FSCN1: variants seen among roughly 807,000 people sequenced by gnomAD.
FSCN1 encodes fascin actin-bundling protein 1.
Under a neutral mutation model 39.7 loss-of-function variants are expected in FSCN1, and 10 were observed. The observed-to-expected ratio is 0.25, with a 90% CI of 0.16 to 0.43. The LOEUF (loss-of-function observed/expected upper bound fraction) is 0.43. Among genes scored for constraint, FSCN1 ranks in the 20% least tolerant of loss-of-function variants. FSCN1 has a pLI of 1.00. For missense variants in FSCN1, 525 were observed against 723.8 expected (o/e 0.73, Z 3.15); for synonymous variants, 322 against 320.0 (o/e 1.01, Z -0.07).
chr7:5,605,558 C>T lies in FSCN1; in HGVS notation c.*84C>T, dbSNP rs1785918984. The T allele has an allele frequency of 2.8e-6, 3 of 1,068,728 alleles. No individual in the cohort carries two copies. The highest frequency in any genetic ancestry group is 2.7e-6 in the Non-Finnish European group (2 of 751,642). The allele number at this position is 1,068,728 out of a possible 1,614,324, so 66.2% of individuals were successfully genotyped here. On this transcript the variant is annotated 3_prime_UTR_variant, in exon 5 of 5. Coordinates refer to ENST00000382361, the MANE Select transcript of FSCN1 (RefSeq NM_003088.4). The surrounding 1 kb of genome is among the most constrained non-coding windows in gnomAD (Gnocchi z 6.9). ...TAACCCCTTCTCCGCCAGGTGGGCT[C>T]CAGGGCGGGAGGCAAGCCCCCTTGC...
At chr7:5,598,288 T>C (rs573137510) in intron 1 of FSCN1, among the ~76,000 whole-genome samples, 1 of 152,230 alleles carries the variant, frequency 6.6e-6, no homozygotes, top group Non-Finnish European at 1.5e-5. Flanking sequence ...GTTCCAGGAT[T>C]GAACGCAACA....
Position 5,603,409 on chromosome 7 carries a change from A to C in FSCN1, c.985A>C (p.Ser329Arg). Reference sequence around the variant, plus strand: ...CGGGGGCGTGCAGTCCACCGCCTCCAGCAAGTGAGTGCCTCGCTCCCACCT... The same window carrying C: ...CGGGGGCGTGCAGTCCACCGCCTCCCGCAAGTGAGTGCCTCGCTCCCACCT... ...ATGGVQSTAS[S>R]KNASCYFDIE... is the part of the protein sequence containing the mutation. Residue 329 changes from serine (S) to arginine (R), a missense_variant, in exon 2 of 5, where the codon AGC (serine) becomes CGC (arginine). Coordinates refer to ENST00000382361, the MANE Select transcript of FSCN1 (RefSeq NM_003088.4). This position sits in a 1 kb window ranked among gnomAD's most constrained non-coding sequence, Gnocchi z 8.5. The C allele has an allele frequency of 1.2e-6, 2 of 1,613,760 alleles. No individual in the cohort carries two copies. The highest frequency in any genetic ancestry group is 1.7e-6 in the Non-Finnish European group (2 of 1,179,996).
At position 5,603,717 on chromosome 7, in the gene FSCN1, C is replaced by T; in HGVS notation, c.1111+100C>T. The T allele has an allele frequency of 6.4e-7, 1 of 1,553,882 alleles. No individual in the cohort carries two copies. The highest frequency in any genetic ancestry group is 8.8e-7 in the Non-Finnish European group (1 of 1,134,302). On this transcript the variant is annotated intron_variant, in intron 3 of 4. Transcript: ENST00000382361. This position sits in a 1 kb window ranked among gnomAD's most constrained non-coding sequence, Gnocchi z 8.5. ...AGCCCCAGCCAAGGCCTGCTCTGTG[C>T]TGGGCATCCCCCCGGACTGGCCCCG...
Position 5,593,769 on chromosome 7 carries a change from G to T in FSCN1, c.832+1G>T. 1 of 1,556,316 alleles carries T rather than the reference G, an allele frequency of 6.4e-7. No individual in the cohort carries two copies. The highest frequency in any genetic ancestry group is 8.7e-7 in the Non-Finnish European group (1 of 1,153,302). On this transcript the variant is annotated splice_donor_variant, in intron 1 of 4. Transcript: ENST00000382361. LOFTEE classifies it high-confidence loss of function. ...GAGAGGAACGTGTCCACGCGCCAGG[G>T]TGAGTGGGGACGCTGCCCCCGCCTC...
chr7:5,604,332 A>T (rs919360861), intron 4 of FSCN1, among the ~76,000 whole-genome samples: 3 of 143,646 alleles, frequency 2.1e-5, no homozygotes, highest in African/African-American at 7.8e-5. Flanking sequence ...GGGAGGGGAG[A>T]GCCGGGAAGG....
At chr7:5,597,438 G>C (rs1235098893) in intron 1 of FSCN1, among the ~76,000 whole-genome samples, 1 of 151,782 alleles carries the variant, frequency 6.6e-6, no homozygotes. Context: ...GTCCAAGGTG[G>C]GTGGATCACC....
At position 5,593,701 on chromosome 7, in the gene FSCN1, T is replaced by C; in HGVS notation, c.765T>C (p.Ala255=). The C allele has an allele frequency of 3.1e-6, 5 of 1,593,476 alleles. No individual in the cohort carries two copies. The highest frequency in any genetic ancestry group is 1.7e-4 in the Middle Eastern group (1 of 6,044). The part of the protein sequence containing the change: ...ATKVGKDELF[A]LEQSCAQVVL... ...AGGTGGGCAAGGACGAGCTCTTTGCTCTGGAGCAGAGCTGCGCCCAGGTCG... is the reference window on the plus strand; with the variant it reads ...AGGTGGGCAAGGACGAGCTCTTTGCCCTGGAGCAGAGCTGCGCCCAGGTCG... Residue 255 remains alanine, a synonymous_variant, in exon 1 of 5, where the codon GCT becomes GCC. Coordinates refer to ENST00000382361, the MANE Select transcript of FSCN1 (RefSeq NM_003088.4).
At chr7:5,602,040 G>A (rs1351726554) in intron 1 of FSCN1, among the ~76,000 whole-genome samples, 1 of 151,574 alleles carries the variant, frequency 6.6e-6, no homozygotes. Flanking sequence ...CGCCTCCCAG[G>A]TTGAAGTGAT....
chr7:5,592,830 A>G lies in FSCN1; in HGVS notation c.-107A>G, dbSNP rs1461841143. The G allele has an allele frequency of 3.1e-6, 2 of 642,494 alleles. No homozygotes were observed. Among genetic ancestry groups the G allele is most frequent in the East Asian group, 6.0e-5 (2 of 33,172 alleles). The allele number at this position is 642,494 out of a possible 1,614,324, so 39.8% of individuals were successfully genotyped here. A position where few individuals can be genotyped will look rare whatever the true frequency, so the allele number is the denominator to read the frequency against. Reference sequence around the variant, plus strand: ...AGCTGGGCTTTGTGGAGCGCTGCGGAGGGTGCGTGCGGGCCGCGGCAGCCG... The same window carrying G: ...AGCTGGGCTTTGTGGAGCGCTGCGGGGGGTGCGTGCGGGCCGCGGCAGCCG... On this transcript the variant is annotated 5_prime_UTR_variant, in exon 1 of 5. Transcript: ENST00000382361. This position sits in a 1 kb window ranked among gnomAD's most constrained non-coding sequence, Gnocchi z 5.3.
At position 5,605,397 on chromosome 7, in the gene FSCN1, T is replaced by C; in HGVS notation, c.1405T>C (p.Tyr469His). 1 of 1,613,476 alleles carries C rather than the reference T, an allele frequency of 6.2e-7. No homozygotes were observed. Reference sequence around the variant, plus strand: ...GGTGGCCATCAAGGTGGGCGGGCGCTACCTGAAGGGCGACCACGCAGGCGT... The same window carrying C: ...GGTGGCCATCAAGGTGGGCGGGCGCCACCTGAAGGGCGACCACGCAGGCGT... ...NKVAIKVGGR[Y>H]LKGDHAGVLK... is the part of the protein sequence containing the mutation. Residue 469 changes from tyrosine (Y) to histidine (H), a missense_variant, in exon 5 of 5, where the codon TAC (tyrosine) becomes CAC (histidine). Around this residue, in one of 3 missense-constraint regions of FSCN1, gnomAD observed 275 missense variants for 351.9 expected, o/e 0.78. Coordinates refer to ENST00000382361, the MANE Select transcript of FSCN1 (RefSeq NM_003088.4). The surrounding 1 kb of genome is among the most constrained non-coding windows in gnomAD (Gnocchi z 6.9).
chr7:5,597,235 G>A (rs1584299608), intron 1 of FSCN1, among the ~76,000 whole-genome samples: 1 of 152,250 alleles, frequency 6.6e-6, no homozygotes, highest in Non-Finnish European at 1.5e-5. Context: ...CAGGCATGGT[G>A]ATGCACGCCT....
rs773855525 is a variant in FSCN1, at chr7:5,592,960, G to A, written c.24G>A (p.Glu8=). 6.4e-7 allele frequency: 1 copy of A among 1,570,126 alleles called. No homozygotes were observed. The change falls in exon 1 of 5, where the codon GAG becomes GAA. Residue 8 remains glutamate (E), a synonymous_variant. Transcript: ENST00000382361. The surrounding 1 kb of genome is among the most constrained non-coding windows in gnomAD (Gnocchi z 5.3). MTANGTA[E]AVQIQFGLIN... The stretch of plus-strand genomic sequence containing the variant: ...CCATGACCGCCAACGGCACAGCCGA[G>A]GCGGTGCAGATCCAGTTCGGCCTCA...
chr7:5,603,466 C>T lies in FSCN1; in HGVS notation c.990-30C>T, dbSNP rs781573524. On this transcript the variant is annotated intron_variant, in intron 2 of 4. Transcript: ENST00000382361. The surrounding 1 kb of genome is among the most constrained non-coding windows in gnomAD (Gnocchi z 8.5). ...GCCCCCACCACCTTGCCTGGGCTAC[C>T]CCGCCTGACCCTGTCCCGCCATCCC... 4.2e-5 allele frequency: 68 copies of T among 1,613,922 alleles called. No homozygotes were observed. The highest frequency in any genetic ancestry group is 2.0e-4 in the East Asian group (9 of 44,890).
At chr7:5,598,222 C>A (rs536593791) in intron 1 of FSCN1, among the ~76,000 whole-genome samples, 7 of 152,362 alleles carry the variant, frequency 4.6e-5, no homozygotes, top group African/African-American at 1.4e-4. Context: ...TCCAAGGGTG[C>A]CTGGCCCCCC....
rs146612530 is a variant in FSCN1 at position 5,603,988 on chromosome 7, G to A, written c.1237G>A (p.Val413Ile). The change falls in exon 4 of 5, where the codon GTC becomes ATC. Residue 413 changes from valine (V) to isoleucine (I), a missense_variant. Physicochemically the swap from Val to Ile is conservative, Grantham distance 29. This residue lies in a region of FSCN1 where 275 missense variants were observed against 351.9 expected (regional missense o/e 0.78). Coordinates refer to ENST00000382361, the MANE Select transcript of FSCN1 (RefSeq NM_003088.4). This position sits in a 1 kb window ranked among gnomAD's most constrained non-coding sequence, Gnocchi z 8.5. ...TLDANRSSYD[V>I]FQLEFNDGAY... ...GGACGCCAACCGCTCCAGCTATGAC[G>A]TCTTCCAGCTGGAGTTCAACGATGG... is the stretch of plus-strand genomic sequence containing the variant. The A allele has an allele frequency of 1.4e-5, 23 of 1,613,766 alleles. No homozygotes were observed. The highest frequency in any genetic ancestry group is 5.3e-5 in the African/African-American group (4 of 74,918).
chr7:5,604,626 G>A lies in FSCN1; in HGVS notation c.1279+596G>A, dbSNP rs557075275. Reference sequence around the variant, plus strand: ...TGGGATTACAGGTGTGCACCACCACGCCTGGCTAATTTTTATATTTTTAAA... The same window carrying A: ...TGGGATTACAGGTGTGCACCACCACACCTGGCTAATTTTTATATTTTTAAA... On this transcript the variant is annotated intron_variant, in intron 4 of 4. Coordinates refer to ENST00000382361, the MANE Select transcript of FSCN1 (RefSeq NM_003088.4). Among the ~76,000 whole-genome samples the A allele has an allele frequency of 4.1e-3, 629 of 151,576 alleles. 6 individuals carry two copies. Among genetic ancestry groups the A allele is most frequent in the African/African-American group, 0.014 (592 of 41,266 alleles).
intron 1 of FSCN1, chr7:5,594,033 T>A: frequency 2.2e-6 from 1 of 446,714 alleles, no homozygotes; most frequent in Non-Finnish European, 3.9e-6. Context: ...CAACCGTACG[T>A]GCACCCTCCT....
chr7:5,605,334 C>T lies in FSCN1; in HGVS notation c.1342C>T (p.Pro448Ser), dbSNP rs371278589. ...CGCGGTCACCAGCAGCGGCGACACT[C>T]CTGTGGACTTCTTCTTCGAGTTCTG... ...DSAVTSSGDT[P>S]VDFFFEFCDY... Residue 448 changes from proline (P) to serine (S), a missense_variant, in exon 5 of 5, where the codon CCT becomes TCT. Pro to Ser is a moderately conservative substitution (Grantham distance 74). This residue lies in a region of FSCN1 where 275 missense variants were observed against 351.9 expected (regional missense o/e 0.78). Coordinates refer to ENST00000382361, the MANE Select transcript of FSCN1 (RefSeq NM_003088.4). This position sits in a 1 kb window ranked among gnomAD's most constrained non-coding sequence, Gnocchi z 6.9. 7.4e-6 allele frequency: 12 copies of T among 1,613,670 alleles called. No individual in the cohort carries two copies. In the South Asian group the frequency reaches 1.2e-4, roughly 16 times the overall value.
At chr7:5,597,734 A>T (rs1017576786) in intron 1 of FSCN1, among the ~76,000 whole-genome samples, 1 of 151,398 alleles carries the variant, frequency 6.6e-6, no homozygotes, top group Non-Finnish European at 1.5e-5. Flanking sequence ...TAAAATAATT[A>T]AAAGAAAAAA....
Sources: gnomAD v4.1 joint callset for allele counts (sites outside exome capture counted in the v4.1 genomes callset) on GRCh38, gnomAD v4.1.1 for gene constraint, gnomAD v4.1.1 regional missense constraint, Gnocchi (gnomAD v3.1) non-coding constraint, MANE v1.5 for transcripts, NCBI Gene and HGNC (gene_info 2026-07-23, HGNC 2026-07-21) for gene names.